TRAK2: variants seen among roughly 807,000 people sequenced by gnomAD.
TRAK2 encodes the protein trafficking kinesin protein 2, also known as trafficking kinesin-binding protein 2.
In TRAK2, 81 loss-of-function variants were observed where a neutral mutation model predicts 104.6. The ratio of observed to expected loss-of-function variants is 0.77; its 90% CI spans 0.65 to 0.93. The LOEUF is 0.93. TRAK2 is among the 40% of genes least tolerant of loss of function. The pLI is 0.00. For synonymous variants in TRAK2, 406 were observed against 394.4 expected (o/e 1.03, Z -0.35); for missense variants, 1,002 against 1,089.0 (o/e 0.92, Z 1.12).
At chr2:201,413,386 C>T (rs983801906) in intron 2 of TRAK2, 6 of 614,392 alleles carry the variant, frequency 9.8e-6, no homozygotes, top group African/African-American at 1.9e-5. Context: ...TTTTTCCCCA[C>T]CCCCCTAAAC....
chr2:201,407,469 G>A lies in TRAK2; in HGVS notation c.220C>T (p.His74Tyr), dbSNP rs1576518718. The change falls in exon 3 of 16, where the codon CAC (histidine) becomes TAC (tyrosine). Residue 74 changes from histidine to tyrosine, a missense_variant. Physicochemically the swap from His to Tyr is moderately conservative, Grantham distance 83 (BLOSUM62 2). Coordinates refer to ENST00000332624, the MANE Select transcript of TRAK2 (RefSeq NM_015049.3). Reference protein sequence around the residue: ...YENQDWTQSPHQRQHASDALS... With the variant: ...YENQDWTQSPYQRQHASDALS... ...GCATCAGATGCATGCTGCCGCTGGT[G>A]TGGAGACTGAGTCCAGTCTTGATTT... 1.2e-6 allele frequency: 2 copies of A among 1,614,142 alleles called. No homozygotes were observed. Among genetic ancestry groups the A allele is most frequent in the Non-Finnish European group, 1.7e-6 (2 of 1,179,968 alleles).
intron 9 of TRAK2, among the ~76,000 whole-genome samples, chr2:201,394,541 A>G (rs564805231): frequency 4.1e-4 from 63 of 151,976 alleles, no homozygotes; most frequent in Non-Finnish European, 6.5e-4. Flanking sequence ...GGGTTTCACC[A>G]TGTTGGCCAG....
At chr2:201,395,723 T>A (rs925691125) in intron 7 of TRAK2, among the ~76,000 whole-genome samples, 4 of 152,220 alleles carry the variant, frequency 2.6e-5, no homozygotes, top group African/African-American at 9.6e-5. Context: ...TCGTTTTCTT[T>A]ATGAAAACGA....
intron 4 of TRAK2, 120 bp downstream of exon 4, chr2:201,400,897 AC>A: frequency 1.5e-6 from 1 of 666,042 alleles, no homozygotes; most frequent in Non-Finnish European, 2.6e-6. Context: ...AGTAGCAACA[AC>A]CTTATACAAA....
chr2:201,426,382 G>C (rs1438510670), intron 1 of TRAK2, among the ~76,000 whole-genome samples: 1 of 152,090 alleles, frequency 6.6e-6, no homozygotes, highest in African/African-American at 2.4e-5. Flanking sequence ...AATAAGCTTA[G>C]GGCTCCCACT....
intron 1 of TRAK2, among the ~76,000 whole-genome samples, chr2:201,431,547 C>A (rs1440920566): frequency 6.6e-6 from 1 of 152,212 alleles, no homozygotes; most frequent in East Asian, 1.9e-4. Flanking sequence ...GTTACACTGT[C>A]TTCTTCTGCT....
intron 4 of TRAK2, among the ~76,000 whole-genome samples, chr2:201,399,756 G>A (rs1000409513): frequency 1.3e-5 from 2 of 151,988 alleles, no homozygotes; most frequent in Non-Finnish European, 2.9e-5. Context: ...GATCATCCTA[G>A]TAAATTAAGA....
chr2:201,392,965 T>C lies in TRAK2; in HGVS notation c.1057A>G (p.Arg353Gly). 1.2e-6 allele frequency: 2 copies of C among 1,613,796 alleles called. No homozygotes were observed. The highest frequency in any genetic ancestry group is 1.7e-6 in the Non-Finnish European group (2 of 1,179,844). The change falls in exon 10 of 16, where the codon AGA becomes GGA. Residue 353 changes from arginine to glycine, a missense_variant. Coordinates refer to ENST00000332624, the MANE Select transcript of TRAK2 (RefSeq NM_015049.3). ...TAGAGATGAGCAGTAGGGCCAGATC[T>C]ACTACGAAGTTCCTTTATTTCTTCT... ...SQEEIKELRS[R>G]SGPTAHLYFS...
chr2:201,383,255 C>T (rs1951358993), intron 15 of TRAK2, among the ~76,000 whole-genome samples: 1 of 152,190 alleles, frequency 6.6e-6, no homozygotes, highest in Admixed American at 6.5e-5. Flanking sequence ...TATGTCACAA[C>T]TAATAGGAGT....
chr2:201,387,257 A>G (rs1951399718), intron 13 of TRAK2, among the ~76,000 whole-genome samples: 1 of 152,190 alleles, frequency 6.6e-6, no homozygotes, highest in South Asian at 2.1e-4. Flanking sequence ...TAGAAACTAA[A>G]CTGAAAAAAG....
intron 2 of TRAK2, chr2:201,410,549 C>A: frequency 8.6e-7 from 1 of 1,160,322 alleles, no homozygotes; most frequent in South Asian, 1.3e-5. Context: ...ACACCTCACC[C>A]AAAAAGATCT....
At chr2:201,440,318 T>C (rs1047031861) in intron 1 of TRAK2, among the ~76,000 whole-genome samples, 16 of 152,150 alleles carry the variant, frequency 1.1e-4, no homozygotes, top group South Asian at 4.1e-4. Flanking sequence ...CTCTCCCCTT[T>C]CTAACTCGCT....
intron 3 of TRAK2, 61 bp downstream of exon 3, chr2:201,407,342 A>G: frequency 7.0e-7 from 1 of 1,436,694 alleles, no homozygotes; most frequent in Non-Finnish European, 9.5e-7. Context: ...AAAAATCAAT[A>G]CCAAGATACC....
At position 201,380,805 on chromosome 2, in the gene TRAK2, C is replaced by A. The variant is rs1382939893; in HGVS notation, c.2483G>T (p.Gly828Val). Residue 828 changes from glycine (G) to valine (V), a missense_variant, in exon 16 of 16, where the codon GGC (glycine) becomes GTC (valine). Physicochemically the swap from Gly to Val is moderately radical, Grantham distance 109. Transcript: ENST00000332624. ...LRPSRNPPDV[G>V]QLKMNLVDRL... ...GTCCACTAAGTTCATCTTCAACTGG[C>A]CAACATCAGGAGGGTTCCGGGAGGG... is the stretch of plus-strand genomic sequence containing the variant. 1.9e-6 allele frequency: 3 copies of A among 1,613,960 alleles called. No individual in the cohort carries two copies. The highest frequency in any genetic ancestry group is 1.7e-6 in the Non-Finnish European group (2 of 1,180,004).
At chr2:201,390,151 A>G (rs1325460676) in intron 10 of TRAK2, among the ~76,000 whole-genome samples, 2 of 152,218 alleles carry the variant, frequency 1.3e-5, no homozygotes, top group African/African-American at 2.4e-5. Context: ...CTGAAAGGCC[A>G]TAAACCCAGT....
chr2:201,420,619 CT>C lies in TRAK2; in HGVS notation c.-113del. ...ATGGATTTGGTCACATGGATATTTT[CT>C]TTTAGACAGATTTTCTCTGATGAGT... On this transcript the variant is annotated 5_prime_UTR_variant, in exon 2 of 16. An upstream open reading frame in the 5' UTR gains an earlier in-frame stop. Coordinates refer to ENST00000332624, the MANE Select transcript of TRAK2 (RefSeq NM_015049.3). 1.2e-6 allele frequency: 1 copy of C among 852,138 alleles called. No homozygotes were observed. Among genetic ancestry groups the C allele is most frequent in the Non-Finnish European group, 1.9e-6 (1 of 527,216 alleles). The allele number at this position is 852,138 out of a possible 1,614,324, so 52.8% of individuals were successfully genotyped here.
intron 13 of TRAK2, among the ~76,000 whole-genome samples, chr2:201,387,152 CTT>C (rs1442904994): frequency 2.0e-5 from 3 of 152,260 alleles, no homozygotes; most frequent in South Asian, 4.1e-4. Context: ...ATGCAGAACT[CTT>C]TTAGGATAAT....
Position 201,398,354 on chromosome 2 carries a change from C to T in TRAK2, c.481G>A (p.Val161Ile). The change falls in exon 6 of 16, where the codon GTT becomes ATT. Residue 161 changes from valine (V) to isoleucine (I), a missense_variant and splice_region_variant. Transcript: ENST00000332624. ...CATAGCTCATGCTGCAGCTGATTAA[C>T]CTGTCCATATAAAATGCTTGATTTT... The part of the protein sequence containing the change: ...EEQLGQAFDQ[V>I]NQLQHELCKK... 1.2e-6 allele frequency: 2 copies of T among 1,611,714 alleles called. No homozygotes were observed. The highest frequency in any genetic ancestry group is 1.7e-6 in the Non-Finnish European group (2 of 1,178,240).
chr2:201,397,613 T>G, intron 6 of TRAK2, 33 bp from the exon 7 acceptor site: 1 of 1,395,066 alleles, frequency 7.2e-7, no homozygotes, highest in East Asian at 2.3e-5. Context: ...TGACAATACC[T>G]TCTAGTGATT....
Sources: gnomAD v4.1 joint callset for allele counts (sites outside exome capture counted in the v4.1 genomes callset) on GRCh38, gnomAD v4.1.1 for gene constraint, MANE v1.5 for transcripts, NCBI Gene and HGNC (gene_info 2026-07-23, HGNC 2026-07-21) for gene names.